Variants in VGLL4 observed in about 807,000 individuals in gnomAD.
VGLL4 encodes vestigial like family member 4, also known as transcription cofactor vestigial-like protein 4.
VGLL4 carries 7 observed loss-of-function variants against 21.0 expected under a neutral mutation model. The observed-to-expected ratio is 0.33, with a 90% CI of 0.19 to 0.63. The LOEUF is 0.63. Ranked by LOEUF, VGLL4 falls within the 20% of genes least tolerant of loss-of-function variation. The probability of loss-of-function intolerance (pLI) is 0.78; values close to 1 mark genes in which losing one functional copy is unlikely to be tolerated. For synonymous variants in VGLL4, 222 were observed against 173.2 expected (o/e 1.28, Z -2.21); for missense variants, 394 against 425.7 (o/e 0.93, Z 0.66).
Position 11,602,006 on chromosome 3 carries a change from CCT to C in VGLL4, c.97_98del (p.Arg33GlyfsTer37), listed in dbSNP as rs757576022. On this transcript the variant is annotated frameshift_variant, in exon 2 of 5. Coordinates refer to ENST00000430365, the MANE Select transcript of VGLL4 (RefSeq NM_001128219.3). LOFTEE classifies it high-confidence loss of function. ...GCAGGGTCTGTATTCTGGGTTCTCC[CCT>C]GAGAGCAGCTTCGCCTACGCAGAGA... ...ILCYEGEAAL[R>X]GEPRIQTLPV... 3 of 1,573,106 alleles carry C rather than the reference CCT, an allele frequency of 1.9e-6. No homozygotes were observed. Among genetic ancestry groups the C allele is most frequent in the Non-Finnish European group, 2.6e-6 (3 of 1,164,218 alleles).
chr3:11,714,086 T>C (rs2076886459), intron 1 of VGLL4, among the ~76,000 whole-genome samples: 1 of 152,198 alleles, frequency 6.6e-6, no homozygotes, highest in East Asian at 1.9e-4. Flanking sequence ...CAGTGTAAAC[T>C]ATACAAATGC....
chr3:11,631,725 TGGG>T (rs1340451132), intron 1 of VGLL4, among the ~76,000 whole-genome samples: 1 of 152,144 alleles, frequency 6.6e-6, no homozygotes, highest in African/African-American at 2.4e-5. Flanking sequence ...TGACAAAACA[TGGG>T]GGGAAAAATT....
intron 2 of VGLL4, chr3:11,671,132 G>T: frequency 9.3e-7 from 1 of 1,074,764 alleles, no homozygotes; most frequent in Non-Finnish European, 1.3e-6. Flanking sequence ...CACAAAAAGT[G>T]TTTTCATGAA....
chr3:11,623,409 G>A (rs569051763), intron 1 of VGLL4, among the ~76,000 whole-genome samples: 21 of 152,100 alleles, frequency 1.4e-4, no homozygotes, highest in Admixed American at 1.3e-4. Flanking sequence ...TGCAGAGCCC[G>A]CTTATAGGAG....
At position 11,568,796 on chromosome 3, in the gene VGLL4, G is replaced by A. The variant is rs1381947746; in HGVS notation, c.273-3777C>T. Reference sequence around the variant, plus strand: ...CGCTCCTGGTCAGGACTGTGCCCGAGAGAGCCCACGGCATCCCCGCGAACA... The same window carrying A: ...CGCTCCTGGTCAGGACTGTGCCCGAAAGAGCCCACGGCATCCCCGCGAACA... On this transcript the variant is annotated intron_variant, in intron 2 of 4. Transcript: ENST00000430365. The surrounding 1 kb of genome is among the most constrained non-coding windows in gnomAD (Gnocchi z 5.9). 4.8e-6 allele frequency: 7 copies of A among 1,446,534 alleles called. No homozygotes were observed. Among genetic ancestry groups the A allele is most frequent in the Non-Finnish European group, 6.3e-6 (7 of 1,103,842 alleles). 89.6% of individuals were successfully genotyped at this position (1,446,534 alleles called of 1,614,324 possible). A position where few individuals can be genotyped will look rare whatever the true frequency, so the allele number is the denominator to read the frequency against.
At chr3:11,632,774 C>T (rs2075509581) in intron 1 of VGLL4, among the ~76,000 whole-genome samples, 1 of 152,178 alleles carries the variant, frequency 6.6e-6, no homozygotes, top group Non-Finnish European at 1.5e-5. Flanking sequence ...TCATCTGTCT[C>T]CCCTGCTAGA....
At chr3:11,603,940 CCA>C (rs1575442085) in intron 1 of VGLL4, among the ~76,000 whole-genome samples, 2 of 152,362 alleles carry the variant, frequency 1.3e-5, no homozygotes, top group East Asian at 3.9e-4. Flanking sequence ...ACTCCCCTCC[CCA>C]GTTTCCATCC....
At chr3:11,691,279 T>C (rs566868513) in intron 2 of VGLL4, among the ~76,000 whole-genome samples, 21 of 150,770 alleles carry the variant, frequency 1.4e-4, no homozygotes, top group African/African-American at 4.2e-4. Flanking sequence ...AGAGGACTAT[T>C]GTCTCACTCA....
At chr3:11,715,268 T>C (rs1442955597) in intron 1 of VGLL4, among the ~76,000 whole-genome samples, 1 of 152,130 alleles carries the variant, frequency 6.6e-6, no homozygotes, top group African/African-American at 2.4e-5. Flanking sequence ...CATAAAGTCA[T>C]CTAATTAATG....
chr3:11,614,155 C>T (rs1030507952), intron 1 of VGLL4, among the ~76,000 whole-genome samples: 4 of 152,216 alleles, frequency 2.6e-5, no homozygotes, highest in African/African-American at 9.6e-5. Context: ...GTTTCTCCCT[C>T]CCTAGAATGT....
At chr3:11,711,054 C>T (rs930664995) in intron 1 of VGLL4, among the ~76,000 whole-genome samples, 8 of 148,670 alleles carry the variant, frequency 5.4e-5, no homozygotes, top group South Asian at 4.3e-4. Flanking sequence ...AAGCTGAGAT[C>T]GCACCATAGC....
At chr3:11,601,120 C>T (rs889351839) in intron 2 of VGLL4, among the ~76,000 whole-genome samples, 1 of 152,146 alleles carries the variant, frequency 6.6e-6, no homozygotes, top group African/African-American at 2.4e-5. Context: ...GGAGGCTTTT[C>T]CAGTGGAAAC....
At chr3:11,657,332 G>A (rs2075972696) in intron 2 of VGLL4, among the ~76,000 whole-genome samples, 1 of 152,090 alleles carries the variant, frequency 6.6e-6, no homozygotes, top group African/African-American at 2.4e-5. Flanking sequence ...GACGGTAACT[G>A]GTATTTCTAG....
At chr3:11,674,820 G>C (rs1490798002) in intron 2 of VGLL4, among the ~76,000 whole-genome samples, 1 of 152,054 alleles carries the variant, frequency 6.6e-6, no homozygotes, top group East Asian at 1.9e-4. Flanking sequence ...AGAAATATAA[G>C]TGAACAGGAG....
intron 2 of VGLL4, among the ~76,000 whole-genome samples, chr3:11,679,047 A>T (rs2076335139): frequency 2.0e-5 from 3 of 152,192 alleles, no homozygotes; most frequent in African/African-American, 7.2e-5. Context: ...ATATAATAAT[A>T]ATGAGAATAA....
chr3:11,660,511 C>T (rs940236006), intron 2 of VGLL4, among the ~76,000 whole-genome samples: 49 of 152,320 alleles, frequency 3.2e-4, no homozygotes, highest in African/African-American at 1.1e-3. Context: ...CCAGCTTCTA[C>T]CCTTTCTGTT....
intron 1 of VGLL4, among the ~76,000 whole-genome samples, chr3:11,614,511 G>A (rs1296085678): frequency 2.0e-5 from 3 of 152,212 alleles, no homozygotes; most frequent in African/African-American, 7.2e-5. Context: ...GATTCTGATC[G>A]TGAAATCTCA....
intron 1 of VGLL4, among the ~76,000 whole-genome samples, chr3:11,629,468 T>C (rs563033635): frequency 5.3e-5 from 8 of 152,042 alleles, no homozygotes; most frequent in Non-Finnish European, 7.4e-5. Context: ...AGAATCCACA[T>C]AGCTGGGGCT....
chr3:11,572,106 T>G (rs2073799289), intron 2 of VGLL4, among the ~76,000 whole-genome samples: 1 of 151,872 alleles, frequency 6.6e-6, no homozygotes, highest in African/African-American at 2.4e-5. Context: ...AGACCCTGTC[T>G]CAAAAAAAAA....
Sources: gnomAD v4.1 joint callset for allele counts (sites outside exome capture counted in the v4.1 genomes callset) on GRCh38, gnomAD v4.1.1 for gene constraint, Gnocchi (gnomAD v3.1) non-coding constraint, MANE v1.5 for transcripts, NCBI Gene and HGNC (gene_info 2026-07-23, HGNC 2026-07-21) for gene names.